Variants in NDRG3 observed in about 807,000 individuals in gnomAD.
NDRG3 encodes NDRG family member 3.
NDRG3 carries 23 observed loss-of-function variants against 57.2 expected under a neutral mutation model. The ratio of observed to expected loss-of-function variants is 0.40; its 90% CI spans 0.29 to 0.57. NDRG3 has a LOEUF of 0.57. NDRG3 is among the 20% of genes least tolerant of loss of function. The pLI is 0.42. For missense variants in NDRG3, 384 were observed against 457.3 expected, an observed-to-expected ratio of 0.84 and a Z score of 1.46; for synonymous variants, 132 against 162.6, an observed-to-expected ratio of 0.81 and a Z score of 1.43.
At chr20:36,691,254 GGCCC>G (rs907254717) in intron 3 of NDRG3, among the ~76,000 whole-genome samples, 1 of 152,194 alleles carries the variant, frequency 6.6e-6, no homozygotes, top group Non-Finnish European at 1.5e-5. Flanking sequence ...TCAAATTACA[GGCCC>G]TAGGCTGGAG....
chr20:36,725,170 G>A (rs533974654), intron 1 of NDRG3, among the ~76,000 whole-genome samples: 4 of 152,166 alleles, frequency 2.6e-5, no homozygotes, highest in East Asian at 1.9e-4. Flanking sequence ...GGTGGTGCAC[G>A]CCTGTAATCC....
At chr20:36,740,531 G>A (rs1258377769) in intron 1 of NDRG3, among the ~76,000 whole-genome samples, 2 of 152,126 alleles carry the variant, frequency 1.3e-5, no homozygotes, top group Non-Finnish European at 2.9e-5. Context: ...ATTTTTAGTA[G>A]AGACAGTTTG....
rs1339077825 is a variant in NDRG3 at position 36,716,527 on chromosome 20, C to T, written c.57+5152G>A. 7.1e-5 allele frequency among the ~76,000 whole-genome samples: 9 copies of T among 127,644 alleles called. No homozygotes were observed. In the Admixed American group the frequency reaches 7.5e-4, roughly 11 times the overall value. 83.7% of individuals were successfully genotyped at this position (127,644 alleles called of 152,430 possible). On this transcript the variant is annotated intron_variant, in intron 2 of 15. Transcript: ENST00000349004. ...CAGCCTGGGCAACAGAGCGAGACTC[C>T]ATCTCAAAAAAAAAAAAAAAAAGAT...
intron 1 of NDRG3, among the ~76,000 whole-genome samples, chr20:36,735,646 A>G (rs1375378764): frequency 6.6e-6 from 1 of 152,138 alleles, no homozygotes; most frequent in East Asian, 1.9e-4. Flanking sequence ...TGTTTTGAAC[A>G]GGGGAAGGGA....
In NDRG3 at chr20:36,669,230, AT is replaced by A. The variant is rs1226125448; in HGVS notation, c.588+2110del. ...TGCCACCACACCCGGCTAATTTTGT[AT>A]TTTTTTTTTTTTTCTGGGATGGAGT... On this transcript the variant is annotated intron_variant, in intron 9 of 15. Transcript: ENST00000349004. Among the ~76,000 whole-genome samples, 1,082 of 122,260 alleles carry A rather than the reference AT, an allele frequency of 8.8e-3. 10 individuals are homozygous for A. The highest frequency in any genetic ancestry group is 0.024 in the African/African-American group (788 of 32,828). The allele number at this position is 122,260 out of a possible 152,430, so 80.2% of individuals were successfully genotyped here.
chr20:36,712,233 T>C (rs1339912577), intron 2 of NDRG3, among the ~76,000 whole-genome samples: 2 of 151,848 alleles, frequency 1.3e-5, no homozygotes, highest in African/African-American at 4.8e-5. Flanking sequence ...AGTTTCTGAA[T>C]GGGGATCATT....
chr20:36,665,444 C>T, intron 10 of NDRG3, 143 bp from the exon 11 acceptor site: 1 of 763,562 alleles, frequency 1.3e-6, no homozygotes, highest in Non-Finnish European at 2.2e-6. Context: ...GGCCCTATGA[C>T]TTGGTTCTTG....
Position 36,687,581 on chromosome 20 carries a change from A to G in NDRG3, c.231T>C (p.Phe77=). 1 of 1,614,042 alleles carries G rather than the reference A, an allele frequency of 6.2e-7. No homozygotes were observed. The highest frequency in any genetic ancestry group is 8.5e-7 in the Non-Finnish European group (1 of 1,179,952). The part of the protein sequence containing the change: ...HKSCFNAFFN[F]EDMQEITQHF... ...GCTGGGTGATCTCTTGCATATCCTC[A>G]AAGTTAAAGAATGCATTGAAACAGG... The change falls in exon 5 of 16, where the codon TTT becomes TTC. Residue 77 remains phenylalanine (F), a synonymous_variant. Coordinates refer to ENST00000349004, the MANE Select transcript of NDRG3 (RefSeq NM_032013.4).
In NDRG3 at chr20:36,657,189, G is replaced by A. The variant is rs570346800; in HGVS notation, c.859-657C>T. ...ATTTGATAGGTTTGGGGTATGGTTC[G>A]AGATTGTGCATTTCTGGCCGCGCGC... On this transcript the variant is annotated intron_variant, in intron 13 of 15. Coordinates refer to ENST00000349004, the MANE Select transcript of NDRG3 (RefSeq NM_032013.4). Among the ~76,000 whole-genome samples the A allele has an allele frequency of 3.9e-5, 6 of 152,162 alleles. No homozygotes were observed. The East Asian group carries it at 9.7e-4, about 25-fold the overall frequency.
In NDRG3 at chr20:36,734,829, T is replaced by TC. The variant is rs533905432; in HGVS notation, c.-49+11215dup. Among the ~76,000 whole-genome samples, 12 of 151,822 alleles carry TC rather than the reference T, an allele frequency of 7.9e-5. No homozygotes were observed. In the South Asian group the frequency reaches 2.5e-3, roughly 32 times the overall value. The stretch of plus-strand genomic sequence containing the variant: ...GCCAAATGTCCTCTTTGGGGCAAAA[T>TC]CACTCCCAATTGAGAAGCACTGCTC... On this transcript the variant is annotated intron_variant, in intron 1 of 15. Transcript: ENST00000349004.
At chr20:36,725,658 G>A (rs982675019) in intron 1 of NDRG3, among the ~76,000 whole-genome samples, 7 of 148,990 alleles carry the variant, frequency 4.7e-5, no homozygotes, top group African/African-American at 7.4e-5. Context: ...ATAATGAACA[G>A]ATAATTTACT....
At chr20:36,708,148 A>T (rs1008071806) in intron 2 of NDRG3, among the ~76,000 whole-genome samples, 1 of 152,010 alleles carries the variant, frequency 6.6e-6, no homozygotes, top group Non-Finnish European at 1.5e-5. Context: ...CTTCTACTTG[A>T]TTTTTCACAA....
At position 36,665,320 on chromosome 20, in the gene NDRG3, A is replaced by G. The variant is rs531299957; in HGVS notation, c.693-19T>C. 1 of 1,612,984 alleles carries G rather than the reference A, an allele frequency of 6.2e-7. No homozygotes were observed. The highest frequency in any genetic ancestry group is 1.1e-5 in the South Asian group (1 of 91,064). Reference sequence around the variant, plus strand: ...TCTGCGTCTAGAAAAACAAAGCAGAAGCAATGCCCTTTTTGGGTAAAGTCA... The same window carrying G: ...TCTGCGTCTAGAAAAACAAAGCAGAGGCAATGCCCTTTTTGGGTAAAGTCA... On this transcript the variant is annotated intron_variant, in intron 10 of 15. Transcript: ENST00000349004.
chr20:36,688,820 G>A (rs755167871), intron 3 of NDRG3, 36 bp from the exon 4 acceptor site: 1 of 1,521,560 alleles, frequency 6.6e-7, no homozygotes, highest in Non-Finnish European at 9.1e-7. Flanking sequence ...AGAAAAAGCA[G>A]AATGAACTTC....
intron 4 of NDRG3, 94 bp from the exon 5 acceptor site, chr20:36,687,706 G>A: frequency 7.1e-7 from 1 of 1,409,076 alleles, no homozygotes; most frequent in South Asian, 1.4e-5. Context: ...TTCTTTCCCT[G>A]CTTTTTAACC....
intron 8 of NDRG3, among the ~76,000 whole-genome samples, chr20:36,672,678 A>G (rs1387483886): frequency 1.3e-5 from 2 of 151,946 alleles, no homozygotes; most frequent in African/African-American, 4.8e-5. Flanking sequence ...AAAATATACA[A>G]ATTAGCCAGG....
intron 6 of NDRG3, among the ~76,000 whole-genome samples, chr20:36,683,661 T>C (rs867592570): frequency 1.3e-5 from 2 of 148,722 alleles, no homozygotes; most frequent in African/African-American, 2.5e-5. Context: ...TATATGTATA[T>C]ATACATATAT....
intron 2 of NDRG3, among the ~76,000 whole-genome samples, chr20:36,716,475 G>A (rs1482237208): frequency 1.4e-5 from 2 of 147,938 alleles, no homozygotes; most frequent in Non-Finnish European, 3.0e-5. Flanking sequence ...AGAGGTTGCA[G>A]TGAGCCGAGA....
In NDRG3 at chr20:36,653,770, T is replaced by A; in HGVS notation, c.947-69A>T. ...AAGCCCAGCTAACCTAGGAGTCTCATCAAAGTCTTTATGTTTAGCTTTTCC... is the reference window on the plus strand; with the variant it reads ...AAGCCCAGCTAACCTAGGAGTCTCAACAAAGTCTTTATGTTTAGCTTTTCC... On this transcript the variant is annotated intron_variant, in intron 15 of 15. Transcript: ENST00000349004. The surrounding 1 kb of genome is among the most constrained non-coding windows in gnomAD (Gnocchi z 4.2). 1 of 1,437,562 alleles carries A rather than the reference T, an allele frequency of 7.0e-7. No individual in the cohort carries two copies. Among genetic ancestry groups the A allele is most frequent in the Non-Finnish European group, 9.5e-7 (1 of 1,049,694 alleles). The allele number at this position is 1,437,562 out of a possible 1,614,324, so 89.1% of individuals were successfully genotyped here.
Sources: allele counts gnomAD v4.1 joint callset (sites outside exome capture counted in the v4.1 genomes callset), GRCh38; gene constraint gnomAD v4.1.1; non-coding constraint Gnocchi (gnomAD v3.1); transcripts MANE v1.5; gene names NCBI Gene and HGNC (gene_info 2026-07-23, HGNC 2026-07-21).